LRRC4C: variants seen among roughly 807,000 people sequenced by gnomAD.
LRRC4C encodes leucine rich repeat containing 4C, also known as leucine-rich repeat-containing protein 4C.
In LRRC4C, 5 loss-of-function variants were observed where a neutral mutation model predicts 33.6. The ratio of observed to expected loss-of-function variants is 0.15; its 90% CI spans 0.08 to 0.31. The LOEUF (loss-of-function observed/expected upper bound fraction) is 0.31, where lower values mean the gene tolerates loss of function less well. Among genes scored for constraint, LRRC4C ranks in the 10% least tolerant of loss-of-function variants. The pLI, the probability that LRRC4C is intolerant of heterozygous loss-of-function variation, is 1.00. For missense variants in LRRC4C, 560 were observed against 796.7 expected, an observed-to-expected ratio of 0.70 and a Z score of 3.58; for synonymous variants, 329 against 302.0, an observed-to-expected ratio of 1.09 and a Z score of -0.93.
At chr11:41,390,863 C>G (rs1295319996) in intron 1 of LRRC4C, among the ~76,000 whole-genome samples, 1 of 151,684 alleles carries the variant, frequency 6.6e-6, no homozygotes, top group Non-Finnish European at 1.5e-5. Context: ...CACTGTGTTC[C>G]TGGCAAAGTA....
chr11:40,420,429 C>G (rs192221437), intron 3 of LRRC4C, among the ~76,000 whole-genome samples: 1 of 152,188 alleles, frequency 6.6e-6, no homozygotes, highest in Non-Finnish European at 1.5e-5. Context: ...ACTTCCCTCA[C>G]GTCTCTCCAT....
chr11:41,215,046 T>C (rs1044550613), intron 1 of LRRC4C, among the ~76,000 whole-genome samples: 2 of 139,678 alleles, frequency 1.4e-5, no homozygotes, highest in African/African-American at 5.8e-5. Flanking sequence ...ATATCACATT[T>C]TGTATAACAG....
At chr11:40,325,674 A>G (rs1027218965) in intron 3 of LRRC4C, among the ~76,000 whole-genome samples, 1 of 152,138 alleles carries the variant, frequency 6.6e-6, no homozygotes, top group Non-Finnish European at 1.5e-5. Flanking sequence ...TTATATTAAA[A>G]AGTCATGTTC....
chr11:40,264,509 G>A (rs980354542), intron 4 of LRRC4C, among the ~76,000 whole-genome samples: 2 of 152,158 alleles, frequency 1.3e-5, no homozygotes, highest in African/African-American at 4.8e-5. Context: ...AGAGCTACCT[G>A]CATATTCATA....
intron 3 of LRRC4C, among the ~76,000 whole-genome samples, chr11:40,396,149 A>G (rs191809855): frequency 2.8e-3 from 429 of 152,264 alleles, no homozygotes; most frequent in Non-Finnish European, 4.6e-3. Context: ...TCACATTAAG[A>G]AAGTCTATTC....
At chr11:40,193,642 T>C (rs1159920652) in intron 5 of LRRC4C, among the ~76,000 whole-genome samples, 1 of 152,000 alleles carries the variant, frequency 6.6e-6, no homozygotes, top group African/African-American at 2.4e-5. Flanking sequence ...AGAAGGTGGG[T>C]AATAACAAAC....
intron 3 of LRRC4C, among the ~76,000 whole-genome samples, chr11:40,475,440 G>T (rs1442628232): frequency 2.0e-5 from 3 of 152,080 alleles, no homozygotes; most frequent in Non-Finnish European, 2.9e-5. Flanking sequence ...ATCACACACT[G>T]GGGCCTGTCA....
chr11:40,361,218 TTAACA>T (rs1947933426), intron 3 of LRRC4C, among the ~76,000 whole-genome samples: 1 of 152,132 alleles, frequency 6.6e-6, no homozygotes, highest in Non-Finnish European at 1.5e-5. Context: ...CCACTCCTAT[TTAACA>T]TAGTATTGGA....
chr11:40,376,537 G>C (rs1218924845), intron 3 of LRRC4C, among the ~76,000 whole-genome samples: 1 of 152,152 alleles, frequency 6.6e-6, no homozygotes, highest in East Asian at 1.9e-4. Flanking sequence ...GTTAGTCATG[G>C]ATTTAAACCG....
At chr11:40,863,502 C>T (rs1954204804) in intron 2 of LRRC4C, among the ~76,000 whole-genome samples, 2 of 152,216 alleles carry the variant, frequency 1.3e-5, no homozygotes, top group Middle Eastern at 3.4e-3. Context: ...TTTTGTCAGC[C>T]CCACCTCTCT....
At chr11:40,833,897 T>G (rs773316514) in intron 2 of LRRC4C, among the ~76,000 whole-genome samples, 1 of 152,170 alleles carries the variant, frequency 6.6e-6, no homozygotes, top group African/African-American at 2.4e-5. Flanking sequence ...TGCAAATCGT[T>G]GTATTTCTGT....
chr11:40,929,813 T>C (rs1057460375), intron 2 of LRRC4C, among the ~76,000 whole-genome samples: 3 of 152,174 alleles, frequency 2.0e-5, no homozygotes, highest in African/African-American at 7.2e-5. Flanking sequence ...GAGCAAATGT[T>C]ACTAATGCAA....
chr11:41,395,253 A>C (rs1016296150), intron 1 of LRRC4C, among the ~76,000 whole-genome samples: 1 of 152,014 alleles, frequency 6.6e-6, no homozygotes, highest in Non-Finnish European at 1.5e-5. Flanking sequence ...CACCAATAAA[A>C]GCTTCTTAGA....
At chr11:40,226,615 CATCA>C (rs1864817556) in intron 5 of LRRC4C, among the ~76,000 whole-genome samples, 1 of 152,136 alleles carries the variant, frequency 6.6e-6, no homozygotes, top group African/African-American at 2.4e-5. Context: ...AAATCTAGAA[CATCA>C]ATAGTGAGGC....
intron 5 of LRRC4C, among the ~76,000 whole-genome samples, chr11:40,212,660 C>G (rs1196895754): frequency 6.6e-6 from 1 of 152,034 alleles, no homozygotes; most frequent in Non-Finnish European, 1.5e-5. Flanking sequence ...AGCTCTTTAC[C>G]TATATTAAAT....
chr11:40,197,442 C>A (rs1014888583), intron 5 of LRRC4C, among the ~76,000 whole-genome samples: 3 of 152,168 alleles, frequency 2.0e-5, no homozygotes, highest in Non-Finnish European at 4.4e-5. Flanking sequence ...GCATTATATC[C>A]TTTTCTTGCT....
intron 4 of LRRC4C, among the ~76,000 whole-genome samples, chr11:40,284,184 G>A (rs775031143): frequency 6.6e-6 from 1 of 152,176 alleles, no homozygotes; most frequent in Non-Finnish European, 1.5e-5. Flanking sequence ...TCTGAGACTT[G>A]ACATATGAAG....
intron 3 of LRRC4C, among the ~76,000 whole-genome samples, chr11:40,470,765 A>T (rs548487890): frequency 3.3e-5 from 5 of 152,330 alleles, no homozygotes; most frequent in Non-Finnish European, 7.4e-5. Context: ...CAAATCAATG[A>T]AGCAGAAGAA....
Position 40,670,243 on chromosome 11 carries a change from C to T in LRRC4C, c.-406-21965G>A, listed in dbSNP as rs139097305. ...AGACAAGGGCTTTCTTCATACACTG[C>T]GGTGTCCCTGTACCTACAGTGAAAA... is the stretch of plus-strand genomic sequence containing the variant. On this transcript the variant is annotated intron_variant, in intron 2 of 6. Coordinates refer to ENST00000528697, the MANE Select transcript of LRRC4C (RefSeq NM_001258419.2). Among the ~76,000 whole-genome samples the T allele has an allele frequency of 4.4e-3, 672 of 152,284 alleles. 5 individuals are homozygous for T. The highest frequency in any genetic ancestry group is 0.015 in the African/African-American group (631 of 41,564).
Sources: allele counts gnomAD v4.1 joint callset (sites outside exome capture counted in the v4.1 genomes callset), GRCh38; gene constraint gnomAD v4.1.1; transcripts MANE v1.5; gene names NCBI Gene and HGNC (gene_info 2026-07-23, HGNC 2026-07-21).